COG3: variants seen among roughly 807,000 people sequenced by gnomAD.
COG3 encodes the protein component of oligomeric golgi complex 3, also known as conserved oligomeric Golgi complex subunit 3.
A neutral mutation model predicts 114.1 loss-of-function variants in COG3; 32 were observed. That is an observed-to-expected ratio of 0.28 (90% CI 0.21 to 0.38). The LOEUF (loss-of-function observed/expected upper bound fraction) is 0.38, where lower values mean the gene tolerates loss of function less well. COG3 is among the 10% of genes least tolerant of loss of function. The pLI is 1.00. For synonymous variants in COG3, 352 were observed against 365.7 expected (o/e 0.96, Z 0.43); for missense variants, 813 against 973.2 (o/e 0.84, Z 2.19).
chr13:45,497,369 A>G (rs1868920775), intron 13 of COG3, among the ~76,000 whole-genome samples: 1 of 152,236 alleles, frequency 6.6e-6, no homozygotes, highest in African/African-American at 2.4e-5. Flanking sequence ...GCAAAAGTAG[A>G]AACTGTAATA....
chr13:45,532,339 C>T (rs1018914163), intron 22 of COG3, among the ~76,000 whole-genome samples: 5 of 151,886 alleles, frequency 3.3e-5, no homozygotes, highest in Admixed American at 6.6e-5. Flanking sequence ...ACCACTAACT[C>T]GATATATAAT....
At chr13:45,482,255 CTT>C in intron 5 of COG3, 124 bp from the exon 6 acceptor site, 2 of 516,842 alleles carry the variant, frequency 3.9e-6, no homozygotes, top group Non-Finnish European at 6.8e-6. Context: ...ATTTTGGTGA[CTT>C]TTAAAATTTA....
At chr13:45,473,153 G>A (rs1159301845) in intron 1 of COG3, among the ~76,000 whole-genome samples, 1 of 152,158 alleles carries the variant, frequency 6.6e-6, no homozygotes, top group African/African-American at 2.4e-5. Flanking sequence ...ACAGGTGTGA[G>A]CCACTGCACC....
rs1223284593 is a variant in COG3 at position 45,503,234 on chromosome 13, C to T, written c.1489-10C>T. 6 of 1,404,574 alleles carry T rather than the reference C, an allele frequency of 4.3e-6. No homozygotes were observed. Among genetic ancestry groups the T allele is most frequent in the Admixed American group, 1.7e-5 (1 of 59,668 alleles). 87.0% of individuals were successfully genotyped at this position (1,404,574 alleles called of 1,614,324 possible). On this transcript the variant is annotated splice_polypyrimidine_tract_variant and intron_variant, in intron 13 of 22. Coordinates refer to ENST00000349995, the MANE Select transcript of COG3 (RefSeq NM_031431.4). ...AAAACGGTAACATTCCTTCTGATTT[C>T]TTTATACAGCAGATTGCACAGAGTT...
intron 2 of COG3, 61 bp downstream of exon 2, chr13:45,476,408 A>G: frequency 6.7e-7 from 1 of 1,501,458 alleles, no homozygotes; most frequent in Non-Finnish European, 9.2e-7. Context: ...AGACAAGGCT[A>G]ATAAAGTCCT....
At chr13:45,516,563 C>CTAAG (rs2137897950) in intron 17 of COG3, among the ~76,000 whole-genome samples, 1 of 152,244 alleles carries the variant, frequency 6.6e-6, no homozygotes, top group Non-Finnish European at 1.5e-5. Context: ...TAACTGCTTC[C>CTAAG]TAAGTAAGTA....
Position 45,476,305 on chromosome 13 carries a change from T to C in COG3, c.279T>C (p.Thr93=), listed in dbSNP as rs375432181. 1 of 1,613,962 alleles carries C rather than the reference T, an allele frequency of 6.2e-7. No individual in the cohort carries two copies. Among genetic ancestry groups the C allele is most frequent in the Middle Eastern group, 1.6e-4 (1 of 6,082 alleles). The change falls in exon 2 of 23, where the codon ACT becomes ACC. Residue 93 remains threonine, a synonymous_variant. Coordinates refer to ENST00000349995, the MANE Select transcript of COG3 (RefSeq NM_031431.4). The stretch of plus-strand genomic sequence containing the variant: ...AAGACATTCTCTTGAAGGGCTTCAC[T>C]TCCTTAGGAATGGAAGAAGAAAGAA... ...STEDILLKGF[T]SLGMEEERIE...
chr13:45,482,032 A>T (rs965945876), intron 5 of COG3, among the ~76,000 whole-genome samples: 5 of 152,142 alleles, frequency 3.3e-5, no homozygotes, highest in African/African-American at 1.2e-4. Flanking sequence ...CACCACTGCA[A>T]GTAGAAAAAT....
chr13:45,479,967 A>T (rs1886144879), intron 3 of COG3, among the ~76,000 whole-genome samples, 158 bp from the exon 4 acceptor site: 1 of 152,228 alleles, frequency 6.6e-6, no homozygotes, highest in Non-Finnish European at 1.5e-5. Context: ...TTTATGACAT[A>T]ACTTTTGGTA....
At chr13:45,503,166 G>A (rs3014959) in intron 13 of COG3, 78 bp from the exon 14 acceptor site, 551,961 of 655,588 alleles carry the variant, frequency 0.84, 230,385 homozygotes, top group Admixed American at 0.9. Flanking sequence ...ATATATATAT[G>A]TACTTTGTAT....
chr13:45,528,610 A>G (rs1338001898), intron 20 of COG3, among the ~76,000 whole-genome samples: 1 of 152,200 alleles, frequency 6.6e-6, no homozygotes, highest in Non-Finnish European at 1.5e-5. Flanking sequence ...CCTTCCCAAA[A>G]TTGTTTATGT....
At chr13:45,500,624 C>T (rs1422703171) in intron 13 of COG3, among the ~76,000 whole-genome samples, 2 of 152,176 alleles carry the variant, frequency 1.3e-5, no homozygotes, top group African/African-American at 2.4e-5. Context: ...ATATACCCTG[C>T]ACCCAGTTGC....
chr13:45,493,663 A>C, intron 12 of COG3, 177 bp downstream of exon 12: 1 of 429,136 alleles, frequency 2.3e-6, no homozygotes, highest in South Asian at 5.4e-5. Flanking sequence ...CTAAAGACAC[A>C]ATCAGATAGG....
intron 22 of COG3, chr13:45,531,054 A>T: frequency 9.7e-7 from 1 of 1,035,658 alleles, no homozygotes; most frequent in Non-Finnish European, 1.2e-6. Context: ...TTTGTAAAAG[A>T]CTCAAATAGT....
chr13:45,487,216 C>T (rs995737841), intron 8 of COG3, among the ~76,000 whole-genome samples: 18 of 152,098 alleles, frequency 1.2e-4, no homozygotes, highest in Admixed American at 2.6e-4. Flanking sequence ...GAAACTAGAC[C>T]TCTGTCTCTC....
intron 13 of COG3, among the ~76,000 whole-genome samples, chr13:45,501,795 C>T (rs1409445188): frequency 2.0e-5 from 3 of 152,172 alleles, no homozygotes; most frequent in African/African-American, 4.8e-5. Context: ...TAATTCATTT[C>T]AATGCCTAGG....
At chr13:45,478,714 C>G (rs1049605923) in intron 2 of COG3, among the ~76,000 whole-genome samples, 5 of 152,156 alleles carry the variant, frequency 3.3e-5, no homozygotes, top group Non-Finnish European at 1.5e-5. Flanking sequence ...GTCTCGAACT[C>G]CCGACCTCAG....
chr13:45,532,340 G>A lies in COG3; in HGVS notation c.2457+1560G>A, dbSNP rs926226703. ...TTCTATATGATTGTACCACTAACTC[G>A]ATATATAATTGGGTTTCTTTTCAAT... On this transcript the variant is annotated intron_variant, in intron 22 of 22. Coordinates refer to ENST00000349995, the MANE Select transcript of COG3 (RefSeq NM_031431.4). Among the ~76,000 whole-genome samples, 8 of 151,822 alleles carry A rather than the reference G, an allele frequency of 5.3e-5. No homozygotes were observed. The East Asian group carries it at 5.8e-4, about 11-fold the overall frequency.
At position 45,516,893 on chromosome 13, in the gene COG3, T is replaced by G. The variant is rs146013246; in HGVS notation, c.1930+630T>G. Among the ~76,000 whole-genome samples the G allele has an allele frequency of 8.7e-4, 132 of 152,286 alleles. 1 individual carries two copies. Among genetic ancestry groups the G allele is most frequent in the Non-Finnish European group, 1.5e-3 (102 of 68,026 alleles). On this transcript the variant is annotated intron_variant, in intron 17 of 22. Transcript: ENST00000349995. Reference sequence around the variant, plus strand: ...ATAAATTTCAGGTGCTTAAATAAACTTCAGTGGTATTAAATCAGTAATCAT... The same window carrying G: ...ATAAATTTCAGGTGCTTAAATAAACGTCAGTGGTATTAAATCAGTAATCAT...
Sources: gnomAD v4.1 joint callset for allele counts (sites outside exome capture counted in the v4.1 genomes callset) on GRCh38, gnomAD v4.1.1 for gene constraint, MANE v1.5 for transcripts, NCBI Gene and HGNC (gene_info 2026-07-23, HGNC 2026-07-21) for gene names.